Variants in ARAP2 observed in about 807,000 individuals in gnomAD.
ARAP2 encodes the protein ArfGAP with RhoGAP domain, ankyrin repeat and PH domain 2.
A neutral mutation model predicts 194.5 loss-of-function variants in ARAP2; 148 were observed. The ratio of observed to expected loss-of-function variants is 0.76; its 90% CI spans 0.67 to 0.87. The LOEUF (loss-of-function observed/expected upper bound fraction) is 0.87. Ranked by LOEUF, ARAP2 falls within the 40% of genes least tolerant of loss-of-function variation. ARAP2 has a pLI of 0.00. For missense variants in ARAP2, 2,128 were observed against 1,989.7 expected (o/e 1.07, Z -1.32); for synonymous variants, 695 against 683.5 (o/e 1.02, Z -0.26).
At chr4:36,177,173 A>T (rs1333777561) in intron 9 of ARAP2, among the ~76,000 whole-genome samples, 1 of 152,178 alleles carries the variant, frequency 6.6e-6, no homozygotes, top group Non-Finnish European at 1.5e-5. Flanking sequence ...TTAGTTTACC[A>T]TCAGACTCAT....
chr4:36,222,975 T>A (rs960798696), intron 2 of ARAP2, among the ~76,000 whole-genome samples: 3 of 152,058 alleles, frequency 2.0e-5, no homozygotes, highest in African/African-American at 7.2e-5. Context: ...CTCATCTTCA[T>A]CCTTGTATTG....
intron 15 of ARAP2, among the ~76,000 whole-genome samples, chr4:36,152,654 C>A (rs1282144923): frequency 7.2e-6 from 1 of 138,490 alleles, no homozygotes; most frequent in African/African-American, 2.8e-5. Flanking sequence ...AGGTAAGCCC[C>A]CCCACCATAC....
At chr4:36,016,419 G>C (rs1318798400) in intron 6 of ARAP2, among the ~76,000 whole-genome samples, 1 of 152,146 alleles carries the variant, frequency 6.6e-6, no homozygotes, top group East Asian at 1.9e-4. Context: ...AAAGCATTTT[G>C]CACAAATGTT....
intron 27 of ARAP2, among the ~76,000 whole-genome samples, chr4:36,105,410 T>C (rs1718119191): frequency 1.3e-5 from 2 of 152,022 alleles, no homozygotes; most frequent in South Asian, 4.1e-4. Context: ...TGCTTTCTTC[T>C]GCTTTGCTTC....
chr4:36,168,870 A>G (rs1735916421), intron 9 of ARAP2, among the ~76,000 whole-genome samples: 1 of 152,220 alleles, frequency 6.6e-6, no homozygotes, highest in African/African-American at 2.4e-5. Flanking sequence ...GGCACTTAAC[A>G]TGATCTCTAC....
At chr4:36,163,968 T>C (rs1173276210) in intron 11 of ARAP2, among the ~76,000 whole-genome samples, 1 of 152,210 alleles carries the variant, frequency 6.6e-6, no homozygotes, top group Non-Finnish European at 1.5e-5. Context: ...TAGAAAAGCG[T>C]TCAGGATTTG....
intron 2 of ARAP2, 102 bp from the exon 3 acceptor site, chr4:36,214,582 T>G (rs905219111): frequency 2.7e-6 from 2 of 733,924 alleles, no homozygotes; most frequent in Non-Finnish European, 4.1e-6. Context: ...TATTTATGAT[T>G]TATATTTAAG....
intron 22 of ARAP2, 60 bp from the exon 23 acceptor site, chr4:36,121,386 G>T: frequency 6.9e-7 from 1 of 1,456,540 alleles, no homozygotes; most frequent in East Asian, 2.4e-5. Context: ...TCATAGAACA[G>T]AAAGCCAGTT....
At chr4:36,005,673 G>C (rs1341123321) in intron 10 of ARAP2, 7 of 152,036 alleles carry the variant, frequency 4.6e-5, no homozygotes, top group African/African-American at 1.7e-4. Context: ...TTGCCTCTAA[G>C]CTGTTTAACA....
intron 28 of ARAP2, among the ~76,000 whole-genome samples, chr4:36,088,658 T>C (rs984667902): frequency 2.6e-5 from 4 of 152,080 alleles, no homozygotes; most frequent in African/African-American, 9.7e-5. Context: ...AACATTGGAA[T>C]GTATACACAG....
intron 27 of ARAP2, among the ~76,000 whole-genome samples, chr4:36,104,807 T>A (rs1034631784): frequency 1.8e-4 from 27 of 152,018 alleles, no homozygotes; most frequent in African/African-American, 6.3e-4. Context: ...ATTTTATAGG[T>A]TCTCTTATTT....
intron 19 of ARAP2, among the ~76,000 whole-genome samples, chr4:36,139,769 T>A (rs1453354763): frequency 6.6e-6 from 1 of 151,668 alleles, no homozygotes; most frequent in Admixed American, 6.6e-5. Context: ...ATTTCCTAAT[T>A]TTTCCTGTGA....
Position 36,210,707 on chromosome 4 carries a change from G to A in ARAP2, c.1170C>T (p.Asp390=), listed in dbSNP as rs996434551. 1.2e-6 allele frequency: 2 copies of A among 1,606,766 alleles called. No individual in the cohort carries two copies. The highest frequency in any genetic ancestry group is 1.7e-5 in the Admixed American group (1 of 58,556). The change falls in exon 6 of 33, where the codon GAC becomes GAT. Residue 390 remains aspartate, a synonymous_variant. Transcript: ENST00000303965. The part of the protein sequence containing the change: ...YDNRKEKISE[D]KVEDIWIPRE... ...GAGGTATCCAAATATCTTCCACCTT[G>A]TCCTCGCTTATTTTCTCCTTTCTGT...
chr4:36,019,346 T>A lies in ARAP2; in HGVS notation n.608-60A>T, dbSNP rs946822128. ...GTTGAAATAAACCCTTTTAATGTAT[T>A]AAGGCTCAGTTTTTTCAATGTACTA... is the stretch of plus-strand genomic sequence containing the variant. On this transcript the variant is annotated intron_variant and non_coding_transcript_variant, in intron 5 of 12. Coordinates refer to the ARAP2 transcript ENST00000503225. 3.3e-5 allele frequency: 5 copies of A among 149,258 alleles called. No individual in the cohort carries two copies. The East Asian group carries it at 9.6e-4, about 29-fold the overall frequency. 9.2% of individuals were successfully genotyped at this position (149,258 alleles called of 1,614,324 possible).
Position 36,212,412 on chromosome 4 carries a change from AAG to A in ARAP2, c.1115_1116del (p.Ser372PhefsTer10). 6.2e-7 allele frequency: 1 copy of A among 1,611,516 alleles called. No individual in the cohort carries two copies. The highest frequency in any genetic ancestry group is 8.5e-7 in the Non-Finnish European group (1 of 1,178,138). ...LKGEAATATN[S>X]FIIKSSIYDN... ...ATCTCATACCTTGATTTGATGATAA[AAG>A]AGTTTGTTGCAGTAGCTGCTTCCCC... On this transcript the variant is annotated frameshift_variant, in exon 5 of 33. Transcript: ENST00000303965. LOFTEE classifies it high-confidence loss of function.
At chr4:36,146,541 C>T (rs1729657197) in intron 19 of ARAP2, among the ~76,000 whole-genome samples, 1 of 152,032 alleles carries the variant, frequency 6.6e-6, no homozygotes, top group South Asian at 2.1e-4. Context: ...GCACAACACA[C>T]TCTTAGCGTT....
At chr4:36,114,364 C>T (rs1720808491) in intron 25 of ARAP2, 77 bp from the exon 26 acceptor site, 2 of 845,204 alleles carry the variant, frequency 2.4e-6, no homozygotes, top group Non-Finnish European at 1.9e-6. Flanking sequence ...TAATATTCCC[C>T]ATCCACCATT....
intron 20 of ARAP2, among the ~76,000 whole-genome samples, chr4:36,130,652 T>A (rs1473421335): frequency 6.6e-6 from 1 of 151,912 alleles, no homozygotes; most frequent in Non-Finnish European, 1.5e-5. Context: ...CACTGACTTG[T>A]AACTGCTCAT....
rs564556107 is a variant in ARAP2, at chr4:36,098,312, C to G, written c.4286-6292G>C. 2.6e-5 allele frequency among the ~76,000 whole-genome samples: 4 copies of G among 152,162 alleles called. No individual in the cohort carries two copies. In the East Asian group the frequency reaches 5.8e-4, roughly 22 times the overall value. On this transcript the variant is annotated intron_variant, in intron 27 of 32. Transcript: ENST00000303965. ...CAGCAATTCTCTTTGGGACTCAATTCCACTTCATTCCCATTGTTATCACCC... is the reference window on the plus strand; with the variant it reads ...CAGCAATTCTCTTTGGGACTCAATTGCACTTCATTCCCATTGTTATCACCC...
Sources: allele counts gnomAD v4.1 joint callset (sites outside exome capture counted in the v4.1 genomes callset), GRCh38; gene constraint gnomAD v4.1.1; transcripts MANE v1.5; gene names NCBI Gene and HGNC (gene_info 2026-07-23, HGNC 2026-07-21).